NUP88: variants seen among roughly 807,000 people sequenced by gnomAD.
The protein encoded by NUP88 is nuclear pore complex protein Nup88.
NUP88 carries 57 observed loss-of-function variants against 93.9 expected under a neutral mutation model. That is an observed-to-expected ratio of 0.61 (90% CI 0.49 to 0.76). The LOEUF (loss-of-function observed/expected upper bound fraction) is 0.76, where lower values mean the gene tolerates loss of function less well. Among genes scored for constraint, NUP88 ranks in the 30% least tolerant of loss-of-function variants. The pLI, the probability that NUP88 is intolerant of heterozygous loss-of-function variation, is 0.00. For missense variants in NUP88, 911 were observed against 901.0 expected, an observed-to-expected ratio of 1.01 and a Z score of -0.14; for synonymous variants, 346 against 336.8, an observed-to-expected ratio of 1.03 and a Z score of -0.30.
intron 7 of NUP88, 49 bp downstream of exon 7, chr17:5,404,048 CTT>C: frequency 1.3e-6 from 2 of 1,545,266 alleles, no homozygotes; most frequent in African/African-American, 1.4e-5. Context: ...CTATGATAGT[CTT>C]AGTATAAAAA....
intron 4 of NUP88, 110 bp from the exon 5 acceptor site, chr17:5,409,019 G>T: frequency 1.1e-6 from 1 of 882,228 alleles, no homozygotes; most frequent in Non-Finnish European, 1.7e-6. Context: ...AGGTGGGTAT[G>T]TATGGAATTT....
intron 16 of NUP88, 65 bp from the exon 17 acceptor site, chr17:5,386,334 A>ATTTCAACATTACCAG: frequency 8.1e-7 from 1 of 1,231,614 alleles, no homozygotes; most frequent in Non-Finnish European, 1.2e-6. Context: ...ATTCTTAAGA[A>ATTTCAACATTACCAG]TTTAAACTGG....
rs1181362741 is a variant in NUP88 at position 5,387,010 on chromosome 17, G to A, written c.2017C>T (p.Arg673Ter). ...TGTTTGATGGCATTGCCCAAATGTC[G>A]AAGTTGATCAGGTATCAGCTGTAAT... is the stretch of plus-strand genomic sequence containing the variant. ...KELQLIPDQL[R>*]HLGNAIKQVT... Residue 673 changes from arginine to a stop codon, truncating the protein, a stop_gained, in exon 15 of 17, where the codon CGA becomes TGA. Coordinates refer to ENST00000573584, the MANE Select transcript of NUP88 (RefSeq NM_002532.6). LOFTEE classifies it high-confidence loss of function. 8 of 1,613,972 alleles carry A rather than the reference G, an allele frequency of 5.0e-6. No homozygotes were observed. The highest frequency in any genetic ancestry group is 2.2e-5 in the East Asian group (1 of 44,868).
intron 7 of NUP88, among the ~76,000 whole-genome samples, chr17:5,402,144 T>TA (rs1490381991): frequency 1.3e-5 from 2 of 152,056 alleles, no homozygotes; most frequent in Non-Finnish European, 2.9e-5. Flanking sequence ...CCATCTGTAC[T>TA]AAAAATACAA....
chr17:5,394,812 AGTGTAACGG>A, intron 9 of NUP88, 70 bp downstream of exon 9: 1 of 918,514 alleles, frequency 1.1e-6, no homozygotes, highest in Non-Finnish European at 1.8e-6. Context: ...TGTGGATGTG[AGTGTAACGG>A]ATACAAACGT....
At chr17:5,392,499 G>C (rs1233488206) in intron 9 of NUP88, among the ~76,000 whole-genome samples, 5 of 152,118 alleles carry the variant, frequency 3.3e-5, no homozygotes. Context: ...ACATGGAGAC[G>C]ATATCTGGAA....
chr17:5,395,367 T>G (rs1404177776), intron 8 of NUP88, among the ~76,000 whole-genome samples: 1 of 152,176 alleles, frequency 6.6e-6, no homozygotes, highest in African/African-American at 2.4e-5. Flanking sequence ...TACTTAGTAG[T>G]TGAACATCTC....
intron 1 of NUP88, 150 bp from the exon 2 acceptor site, chr17:5,416,832 ATTTTT>A: frequency 2.6e-6 from 1 of 389,060 alleles, no homozygotes; most frequent in Non-Finnish European, 4.3e-6. Context: ...TAACTCACAA[ATTTTT>A]TTTTTTTTTT....
intron 8 of NUP88, 105 bp downstream of exon 8, chr17:5,399,447 C>A: frequency 4.9e-6 from 3 of 607,132 alleles, no homozygotes; most frequent in Non-Finnish European, 8.7e-6. Context: ...TTCGGTTTCA[C>A]TGATTTTCTC....
At chr17:5,400,545 T>G (rs979028710) in intron 7 of NUP88, among the ~76,000 whole-genome samples, 1 of 150,310 alleles carries the variant, frequency 6.7e-6, no homozygotes, top group Non-Finnish European at 1.5e-5. Context: ...TTTCTAAATA[T>G]GAACACAATG....
intron 13 of NUP88, 43 bp downstream of exon 13, chr17:5,387,562 A>G (rs1912097901): frequency 6.3e-7 from 1 of 1,597,188 alleles, no homozygotes; most frequent in African/African-American, 1.3e-5. Context: ...ATATGGTTCC[A>G]GTCTTACTGA....
In NUP88 at chr17:5,387,656, C is replaced by T; in HGVS notation, c.1784G>A (p.Cys595Tyr). The change falls in exon 13 of 17, where the codon TGT (cysteine) becomes TAT (tyrosine). Residue 595 changes from cysteine to tyrosine, a missense_variant. Cys to Tyr is a radical substitution (Grantham distance 194). Coordinates refer to ENST00000573584, the MANE Select transcript of NUP88 (RefSeq NM_002532.6). ...TTCTAGTTGTTTCTTTTTTTGGTCA[C>T]ATAATAATTTGACCCTTTAAAAACA... ...EEIQRRVKLL[C>Y]DQKKKQLEDL... 6.2e-7 allele frequency: 1 copy of T among 1,612,536 alleles called. No homozygotes were observed.
rs1939681951 is a variant in NUP88, at chr17:5,414,095, G to C, written c.507C>G (p.Thr169=). 2 of 1,613,654 alleles carry C rather than the reference G, an allele frequency of 1.2e-6. No homozygotes were observed. Among genetic ancestry groups the C allele is most frequent in the Non-Finnish European group, 1.7e-6 (2 of 1,179,568 alleles). ...PVAERFFTSS[T]SLTLKHAAWY... The stretch of plus-strand genomic sequence containing the variant: ...ATGCAGCATGCTTTAGAGTCAGAGA[G>C]GTGGAACTGGTGAAAAATCTCTCCG... Residue 169 remains threonine, a synonymous_variant, in exon 3 of 17, where the codon ACC becomes ACG. Coordinates refer to ENST00000573584, the MANE Select transcript of NUP88 (RefSeq NM_002532.6).
At chr17:5,414,173 A>C (rs1312069502) in intron 2 of NUP88, 39 bp from the exon 3 acceptor site, 1 of 1,581,708 alleles carries the variant, frequency 6.3e-7, no homozygotes, top group Admixed American at 1.7e-5. Flanking sequence ...CATTTTGTAC[A>C]ACTTGGATGA....
Position 5,410,710 on chromosome 17 carries a change from T to C in NUP88, c.673A>G (p.Asn225Asp), listed in dbSNP as rs762754647. The C allele has an allele frequency of 3.0e-5, 47 of 1,592,274 alleles. No individual in the cohort carries two copies. The highest frequency in any genetic ancestry group is 4.0e-5 in the Non-Finnish European group (46 of 1,163,872). The change falls in exon 4 of 17, where the codon AAT becomes GAT. Residue 225 changes from asparagine to aspartate, a missense_variant. Asn to Asp is a conservative substitution (Grantham distance 23). Transcript: ENST00000573584. ...SEAEEESLVL[N>D]KGRAYTASLG... ...ACTCAAATAAAAACTTACCCTTTAT[T>C]GAGTACTAGACTTTCCTCTTCGGCT...
At chr17:5,390,476 C>T (rs1330486722) in intron 10 of NUP88, among the ~76,000 whole-genome samples, 2 of 152,126 alleles carry the variant, frequency 1.3e-5, no homozygotes, top group Admixed American at 6.5e-5. Flanking sequence ...TAAACTACTG[C>T]CAGTATTAGG....
At chr17:5,415,540 G>A (rs1451541286) in intron 2 of NUP88, among the ~76,000 whole-genome samples, 2 of 152,192 alleles carry the variant, frequency 1.3e-5, no homozygotes, top group Admixed American at 6.5e-5. Flanking sequence ...CAACTTATAA[G>A]TTGCGGAGCT....
chr17:5,410,280 C>A (rs1296420630), intron 4 of NUP88, among the ~76,000 whole-genome samples: 4 of 152,080 alleles, frequency 2.6e-5, no homozygotes, highest in African/African-American at 7.2e-5. Flanking sequence ...AATCATAAAA[C>A]CATGCTGTTT....
At chr17:5,412,671 C>T (rs553357264) in intron 3 of NUP88, among the ~76,000 whole-genome samples, 1 of 152,106 alleles carries the variant, frequency 6.6e-6, no homozygotes, top group African/African-American at 2.4e-5. Flanking sequence ...CCCACATACA[C>T]ACACACAAAC....
Sources: allele counts gnomAD v4.1 joint callset (sites outside exome capture counted in the v4.1 genomes callset), GRCh38; gene constraint gnomAD v4.1.1; transcripts MANE v1.5; gene names NCBI Gene and HGNC (gene_info 2026-07-23, HGNC 2026-07-21).